Variants in PAX7 observed in about 807,000 individuals in gnomAD.
PAX7 encodes the protein paired box protein Pax-7.
In PAX7, 18 loss-of-function variants were observed where a neutral mutation model predicts 50.7. The observed-to-expected ratio is 0.36, with a 90% confidence interval of 0.25 to 0.53. The LOEUF (loss-of-function observed/expected upper bound fraction) is 0.53, where lower values mean the gene tolerates loss of function less well. PAX7 is among the 20% of genes least tolerant of loss of function. The probability of loss-of-function intolerance (pLI) is 0.93; values close to 1 mark genes in which losing one functional copy is unlikely to be tolerated. For synonymous variants in PAX7, 310 were observed against 290.4 expected (o/e 1.07, Z -0.69); for missense variants, 644 against 702.9 (o/e 0.92, Z 0.95).
At chr1:18,662,289 C>T (rs80067354) in intron 4 of PAX7, among the ~76,000 whole-genome samples, 2,945 of 152,236 alleles carry the variant, frequency 0.019, 89 homozygotes, top group African/African-American at 0.064. Flanking sequence ...GCCTTCAAAA[C>T]GGGCCTAAAG....
intron 4 of PAX7, among the ~76,000 whole-genome samples, chr1:18,665,661 C>CCATGCCCGGCTGGGG (rs1357214076): frequency 6.9e-6 from 1 of 145,288 alleles, no homozygotes; most frequent in Admixed American, 6.9e-5. Context: ...GCGTGAGCCA[C>CCATGCCCGGCTGGGG]TGCGCCCAGC....
intron 7 of PAX7, among the ~76,000 whole-genome samples, chr1:18,709,536 G>A (rs547840090): frequency 9.2e-5 from 14 of 152,160 alleles, no homozygotes; most frequent in South Asian, 2.1e-4. Context: ...TAATTACGGC[G>A]ACAGCAATGG....
At chr1:18,730,916 T>G (rs1570240748) in intron 7 of PAX7, among the ~76,000 whole-genome samples, 9 of 107,844 alleles carry the variant, frequency 8.3e-5, no homozygotes, top group African/African-American at 1.1e-4. Flanking sequence ...GGGGGTGGGG[T>G]AGGGGCCGTG....
Position 18,700,305 on chromosome 1 carries a change from G to A in PAX7, c.787-348G>A, listed in dbSNP as rs1012887760. On this transcript the variant is annotated intron_variant, in intron 5 of 8. Coordinates refer to ENST00000420770, the MANE Select transcript of PAX7 (RefSeq NM_001135254.2). The surrounding 1 kb of genome is among the most constrained non-coding windows in gnomAD (Gnocchi z 4.8). ...AGGGCACCAGCATCCCTCCAGGAAG[G>A]AGCAGCTGCAGAGGAAAGAGCACTG... Among the ~76,000 whole-genome samples the A allele has an allele frequency of 6.6e-6, 1 of 152,048 alleles. No homozygotes were observed. The highest frequency in any genetic ancestry group is 6.5e-5 in the Admixed American group (1 of 15,268).
intron 4 of PAX7, among the ~76,000 whole-genome samples, chr1:18,675,647 G>T (rs1439997361): frequency 6.6e-6 from 1 of 152,198 alleles, no homozygotes; most frequent in East Asian, 1.9e-4. Context: ...CTCTTAGCCA[G>T]GAAGCCGAAA....
intron 5 of PAX7, among the ~76,000 whole-genome samples, chr1:18,699,185 C>T (rs1369079360): frequency 6.6e-6 from 1 of 152,210 alleles, no homozygotes; most frequent in Non-Finnish European, 1.5e-5. Context: ...AATGCATGGC[C>T]TCTGTCCCGT....
At chr1:18,733,960 G>C (rs1194648988) in intron 7 of PAX7, among the ~76,000 whole-genome samples, 1 of 152,106 alleles carries the variant, frequency 6.6e-6, no homozygotes, top group Non-Finnish European at 1.5e-5. Context: ...TGGGCTTTTG[G>C]GTTGGGAGAG....
chr1:18,701,390 G>A (rs1372696675), intron 6 of PAX7, among the ~76,000 whole-genome samples: 13 of 151,958 alleles, frequency 8.6e-5, no homozygotes, highest in Admixed American at 8.5e-4. Flanking sequence ...GTGTGTGTGG[G>A]TGTGTGCATG....
At chr1:18,663,990 C>T (rs924423249) in intron 4 of PAX7, among the ~76,000 whole-genome samples, 3 of 152,250 alleles carry the variant, frequency 2.0e-5, no homozygotes, top group Non-Finnish European at 2.9e-5. Context: ...AAAGCCCCCA[C>T]CCCACCCACT....
At chr1:18,732,605 G>A (rs537658160) in intron 7 of PAX7, among the ~76,000 whole-genome samples, 2 of 152,356 alleles carry the variant, frequency 1.3e-5, no homozygotes, top group African/African-American at 4.8e-5. Flanking sequence ...TAAAGTGCAG[G>A]GTAGAAAGGG....
chr1:18,631,598 G>T lies in PAX7; in HGVS notation c.-6G>T, dbSNP rs753408357. The T allele has an allele frequency of 7.4e-6, 12 of 1,611,282 alleles. No homozygotes were observed. Among genetic ancestry groups the T allele is most frequent in the East Asian group, 2.2e-5 (1 of 44,788 alleles). On this transcript the variant is annotated 5_prime_UTR_variant, in exon 1 of 9. Transcript: ENST00000420770. ...GACTTTGGATTCGTCCCCGGCGTGCGCAAGAATGGCGGCCCTTCCCGGCAC... is the reference window on the plus strand; with the variant it reads ...GACTTTGGATTCGTCCCCGGCGTGCTCAAGAATGGCGGCCCTTCCCGGCAC...
chr1:18,663,171 C>T (rs1304530990), intron 4 of PAX7, among the ~76,000 whole-genome samples: 1 of 152,198 alleles, frequency 6.6e-6, no homozygotes, highest in East Asian at 1.9e-4. Context: ...TCCTTCTCGA[C>T]ACCTCGCCAG....
chr1:18,714,397 C>T (rs2089392646), intron 7 of PAX7, among the ~76,000 whole-genome samples: 1 of 152,124 alleles, frequency 6.6e-6, no homozygotes, highest in Non-Finnish European at 1.5e-5. Flanking sequence ...ATGTGAAACC[C>T]TTAGTTCCAC....
chr1:18,696,336 G>A (rs1261652958), intron 5 of PAX7, among the ~76,000 whole-genome samples: 1 of 151,828 alleles, frequency 6.6e-6, no homozygotes, highest in African/African-American at 2.4e-5. Context: ...CAAAGTGCTG[G>A]GATTACAGGC....
chr1:18,663,578 T>C (rs540972062), intron 4 of PAX7, among the ~76,000 whole-genome samples: 1 of 152,348 alleles, frequency 6.6e-6, no homozygotes, highest in South Asian at 2.1e-4. Flanking sequence ...AGGTGGGGTT[T>C]CGCCATGTTG....
chr1:18,635,338 C>T (rs2088133521), intron 3 of PAX7, 98 bp downstream of exon 3: 1 of 1,411,162 alleles, frequency 7.1e-7, no homozygotes, highest in Non-Finnish European at 9.7e-7. Flanking sequence ...GAGATGATGG[C>T]TGACTGTGAA....
In PAX7 at chr1:18,655,628, C is replaced by T. The variant is rs138266730; in HGVS notation, c.586+19257C>T. On this transcript the variant is annotated intron_variant, in intron 4 of 8. Coordinates refer to ENST00000420770, the MANE Select transcript of PAX7 (RefSeq NM_001135254.2). ...TCCAGGCCTGTCAGCTGAAGTCTGG[C>T]GGCCTCCGCTAATTCATTTGACTCG... 7.2e-5 allele frequency among the ~76,000 whole-genome samples: 11 copies of T among 152,308 alleles called. No individual in the cohort carries two copies. In the East Asian group the frequency reaches 1.5e-3, roughly 21 times the overall value.
chr1:18,742,235 G>A (rs929839878), intron 8 of PAX7, among the ~76,000 whole-genome samples: 3 of 138,554 alleles, frequency 2.2e-5, no homozygotes, highest in African/African-American at 8.3e-5. Context: ...TTGGCTCACT[G>A]CAAGCTCCGC....
At chr1:18,715,104 G>A (rs6670751) in intron 7 of PAX7, among the ~76,000 whole-genome samples, 67,020 of 151,980 alleles carry the variant, frequency 0.44, 17,167 homozygotes, top group Non-Finnish European at 0.59. Flanking sequence ...GGTCCCCAAA[G>A]GAGACTTGTG....
Sources: gnomAD v4.1 joint callset for allele counts (sites outside exome capture counted in the v4.1 genomes callset) on GRCh38, gnomAD v4.1.1 for gene constraint, Gnocchi (gnomAD v3.1) non-coding constraint, MANE v1.5 for transcripts, NCBI Gene and HGNC (gene_info 2026-07-23, HGNC 2026-07-21) for gene names.